GPR158: variants seen among roughly 807,000 people sequenced by gnomAD.
GPR158 encodes the protein G protein-coupled receptor 158, also known as metabotropic glycine receptor.
Under a neutral mutation model 78.2 loss-of-function variants are expected in GPR158, and 30 were observed. The ratio of observed to expected loss-of-function variants is 0.38; its 90% confidence interval spans 0.29 to 0.52. The LOEUF (loss-of-function observed/expected upper bound fraction) is 0.52, where lower values mean the gene tolerates loss of function less well. GPR158 is among the 20% of genes least tolerant of loss of function. The pLI is 0.83. For synonymous variants in GPR158, 581 were observed against 591.1 expected, an observed-to-expected ratio of 0.98 and a Z score of 0.25; for missense variants, 1,463 against 1,523.5, an observed-to-expected ratio of 0.96 and a Z score of 0.66.
intron 7 of GPR158, among the ~76,000 whole-genome samples, chr10:25,578,163 CGTTTAA>C (rs1282616796): frequency 1.3e-5 from 2 of 152,140 alleles, no homozygotes; most frequent in African/African-American, 4.8e-5. Flanking sequence ...TTTCTGAGTA[CGTTTAA>C]ATATATTTTC....
chr10:25,249,465 T>A (rs1853757117), intron 2 of GPR158, among the ~76,000 whole-genome samples: 1 of 152,004 alleles, frequency 6.6e-6, no homozygotes, highest in African/African-American at 2.4e-5. Flanking sequence ...AGATAGCTCT[T>A]ATTATTTTGA....
At chr10:25,545,844 A>G (rs1339106500) in intron 5 of GPR158, among the ~76,000 whole-genome samples, 2 of 152,020 alleles carry the variant, frequency 1.3e-5, no homozygotes, top group Non-Finnish European at 2.9e-5. Flanking sequence ...GCCAGGTACT[A>G]TCTTAGGGAA....
At chr10:25,558,346 ACT>A (rs972838965) in intron 6 of GPR158, among the ~76,000 whole-genome samples, 5 of 152,132 alleles carry the variant, frequency 3.3e-5, no homozygotes, top group African/African-American at 1.2e-4. Flanking sequence ...TTCGTTAGCA[ACT>A]CTCTGTTCAA....
intron 2 of GPR158, among the ~76,000 whole-genome samples, chr10:25,317,177 T>A (rs1854867392): frequency 6.6e-6 from 1 of 151,736 alleles, no homozygotes; most frequent in Non-Finnish European, 1.5e-5. Flanking sequence ...CCTGAGTAAT[T>A]GGGATTACAG....
intron 5 of GPR158, among the ~76,000 whole-genome samples, chr10:25,515,059 A>C (rs4747525): frequency 4.6e-5 from 7 of 151,842 alleles, no homozygotes; most frequent in African/African-American, 1.7e-4. Flanking sequence ...GGATGTCTAG[A>C]TCTCTAACAA....
intron 2 of GPR158, among the ~76,000 whole-genome samples, chr10:25,298,717 A>G (rs1005016884): frequency 2.0e-5 from 3 of 152,090 alleles, no homozygotes; most frequent in African/African-American, 7.2e-5. Context: ...ACTCTTTTTT[A>G]TGTTATCTTA....
chr10:25,520,462 G>A (rs1169451638), intron 5 of GPR158, among the ~76,000 whole-genome samples: 1 of 150,412 alleles, frequency 6.6e-6, no homozygotes, highest in Non-Finnish European at 1.5e-5. Flanking sequence ...GCGTTTTAGA[G>A]TTTCCAGTTT....
intron 2 of GPR158, among the ~76,000 whole-genome samples, chr10:25,243,514 C>T (rs529065970): frequency 1.2e-4 from 18 of 152,068 alleles, no homozygotes; most frequent in South Asian, 4.2e-4. Context: ...AGTTGAATGC[C>T]TGTGATCTGT....
At chr10:25,360,919 G>T (rs1050167296) in intron 2 of GPR158, among the ~76,000 whole-genome samples, 1 of 151,898 alleles carries the variant, frequency 6.6e-6, no homozygotes, top group Non-Finnish European at 1.5e-5. Context: ...TCATTTGTTT[G>T]TGTCCTCTCT....
intron 2 of GPR158, among the ~76,000 whole-genome samples, chr10:25,239,607 CAAA>C (rs11394522): frequency 3.6e-5 from 5 of 137,810 alleles, no homozygotes; most frequent in South Asian, 2.3e-4. Context: ...GACTCTGTCT[CAAA>C]AAAAAAAAAA....
intron 2 of GPR158, among the ~76,000 whole-genome samples, chr10:25,324,758 T>G (rs1471951772): frequency 6.6e-6 from 1 of 152,118 alleles, no homozygotes; most frequent in African/African-American, 2.4e-5. Context: ...CCTGTGTGTC[T>G]TCTTCTAGAG....
At chr10:25,205,203 TTATC>T (rs892733159) in intron 1 of GPR158, among the ~76,000 whole-genome samples, 5 of 152,118 alleles carry the variant, frequency 3.3e-5, no homozygotes, top group African/African-American at 1.2e-4. Context: ...AGGTATGTCT[TTATC>T]AGCAGCATGA....
chr10:25,596,676 A>G lies in GPR158; in HGVS notation c.2032A>G (p.Ile678Val). ...TTCAAGCAATAACCCACGAGATGAT[A>G]TTGCTACAGAAGCATATGAGGATGA... ...SHSSNNPRDD[I>V]ATEAYEDELD... The change falls in exon 10 of 11, where the codon ATT becomes GTT. Residue 678 changes from isoleucine to valine, a missense_variant. Ile to Val is a conservative substitution (Grantham distance 29). Transcript: ENST00000376351. 5.0e-6 allele frequency: 8 copies of G among 1,613,656 alleles called. No individual in the cohort carries two copies. The highest frequency in any genetic ancestry group is 2.2e-5 in the East Asian group (1 of 44,874).
Position 25,602,173 on chromosome 10 carries a change from G to A in GPR158, c.*2899G>A, listed in dbSNP as rs914488274. The A allele has an allele frequency of 2.0e-5, 3 of 152,562 alleles. No homozygotes were observed. The highest frequency in any genetic ancestry group is 3.9e-4 in the East Asian group (2 of 5,188). The allele number at this position is 152,562 out of a possible 1,614,324, so 9.5% of individuals were successfully genotyped here. On this transcript the variant is annotated 3_prime_UTR_variant, in exon 11 of 11. Transcript: ENST00000376351. ...ATATTTGGTAAATTTATGTTGTGAC[G>A]TGTTGCAGCATGTAAATAATTATAA... is the stretch of plus-strand genomic sequence containing the variant.
intron 2 of GPR158, among the ~76,000 whole-genome samples, chr10:25,253,320 G>A (rs564742778): frequency 8.5e-5 from 13 of 152,272 alleles, no homozygotes; most frequent in East Asian, 3.9e-4. Flanking sequence ...GTTCCTATTC[G>A]GCCATCTTGG....
At chr10:25,453,322 A>G (rs1319440115) in intron 4 of GPR158, among the ~76,000 whole-genome samples, 1 of 152,168 alleles carries the variant, frequency 6.6e-6, no homozygotes, top group African/African-American at 2.4e-5. Context: ...TAATGGCTAT[A>G]CTAATTTACA....
At chr10:25,398,705 T>C (rs1834400534) in intron 3 of GPR158, among the ~76,000 whole-genome samples, 1 of 152,192 alleles carries the variant, frequency 6.6e-6, no homozygotes, top group African/African-American at 2.4e-5. Context: ...TGCTTCTCTG[T>C]GTAAGTCTAA....
rs368318597 is a variant in GPR158 at position 25,209,713 on chromosome 10, A to G, written c.903-11339A>G. On this transcript the variant is annotated intron_variant, in intron 1 of 10. Transcript: ENST00000376351. ...TGGTGTCTTGACCCCGGCTTTGTTT[A>G]CTCAGTGGCTTGTGACTTAAGTTTT... Among the ~76,000 whole-genome samples, 5 of 152,294 alleles carry G rather than the reference A, an allele frequency of 3.3e-5. No individual in the cohort carries two copies. The East Asian group carries it at 9.6e-4, about 29-fold the overall frequency.
intron 2 of GPR158, among the ~76,000 whole-genome samples, chr10:25,255,348 A>G (rs1021384903): frequency 1.4e-4 from 22 of 152,322 alleles, no homozygotes; most frequent in Admixed American, 1.4e-3. Flanking sequence ...TTAGTTTTGT[A>G]TTGCTACATA....
Sources: allele counts gnomAD v4.1 joint callset (sites outside exome capture counted in the v4.1 genomes callset), GRCh38; gene constraint gnomAD v4.1.1; transcripts MANE v1.5; gene names NCBI Gene and HGNC (gene_info 2026-07-23, HGNC 2026-07-21).